Variants in ATXN7 observed in about 807,000 individuals in gnomAD.
ATXN7 encodes ataxin 7.
Under a neutral mutation model 70.5 loss-of-function variants are expected in ATXN7, and 12 were observed. The ratio of observed to expected loss-of-function variants is 0.17; its 90% CI spans 0.11 to 0.28. The LOEUF (loss-of-function observed/expected upper bound fraction) is 0.28. Among genes scored for constraint, ATXN7 ranks in the 10% least tolerant of loss-of-function variants. The pLI is 1.00. For missense variants in ATXN7, 1,256 were observed against 1,131.7 expected, an observed-to-expected ratio of 1.11 and a Z score of -1.58; for synonymous variants, 498 against 448.7, an observed-to-expected ratio of 1.11 and a Z score of -1.39.
chr3:63,945,288 T>C (rs115308594), intron 4 of ATXN7, among the ~76,000 whole-genome samples: 2 of 152,104 alleles, frequency 1.3e-5, no homozygotes, highest in Admixed American at 1.3e-4. Context: ...AGAGGAAGAG[T>C]AGACGTTTGA....
chr3:63,970,586 A>G (rs1039754121), intron 5 of ATXN7, among the ~76,000 whole-genome samples: 8 of 152,208 alleles, frequency 5.3e-5, no homozygotes, highest in Non-Finnish European at 1.0e-4. Context: ...TCCCCCAGAT[A>G]TTCAATAACT....
At chr3:63,910,845 T>C (rs1703988343) in intron 2 of ATXN7, among the ~76,000 whole-genome samples, 1 of 151,854 alleles carries the variant, frequency 6.6e-6, no homozygotes, top group Non-Finnish European at 1.5e-5. Flanking sequence ...TGTGTGTGTA[T>C]GTGTAAGTAT....
At chr3:63,942,047 G>C (rs1466677913) in intron 4 of ATXN7, among the ~76,000 whole-genome samples, 1 of 152,156 alleles carries the variant, frequency 6.6e-6, no homozygotes, top group Non-Finnish European at 1.5e-5. Context: ...GAGAGTCCTA[G>C]CATCTCAGGA....
intron 5 of ATXN7, among the ~76,000 whole-genome samples, chr3:63,955,561 G>C (rs567297564): frequency 5.2e-4 from 79 of 152,238 alleles, no homozygotes; most frequent in Non-Finnish European, 6.6e-4. Context: ...TATCTTTTGG[G>C]GACAGGGGTT....
chr3:63,900,039 A>C (rs771252149), intron 2 of ATXN7, among the ~76,000 whole-genome samples: 1 of 152,178 alleles, frequency 6.6e-6, no homozygotes, highest in Non-Finnish European at 1.5e-5. Flanking sequence ...AGCCATGATG[A>C]TGCTGCTGCA....
At chr3:63,905,398 ACGG>A (rs1387526567) in intron 2 of ATXN7, 1 of 98,948 alleles carries the variant, frequency 1.0e-5, no homozygotes, top group African/African-American at 5.7e-5. Flanking sequence ...TACAGTAAAG[ACGG>A]GGTTTCACCA....
At position 63,988,136 on chromosome 3, in the gene ATXN7, C is replaced by G. The variant is rs985434811; in HGVS notation, c.1173C>G (p.Asn391Lys). The change falls in exon 9 of 13, where the codon AAC becomes AAG. Residue 391 changes from asparagine to lysine, a missense_variant. Coordinates refer to ENST00000674280, the MANE Select transcript of ATXN7 (RefSeq NM_001377405.1). ...ATGTGTTATTAGCCGAGCACAAAAA[C>G]AAAACCAGGGAAAAGGAATTGATTC... ...RFDVLLAEHK[N>K]KTREKELIRH... The G allele has an allele frequency of 1.2e-6, 2 of 1,613,920 alleles. No individual in the cohort carries two copies. Among genetic ancestry groups the G allele is most frequent in the African/African-American group, 1.3e-5 (1 of 74,880 alleles).
intron 5 of ATXN7, among the ~76,000 whole-genome samples, chr3:63,954,699 GTTTTTTTTTTTGT>G (rs2075011684): frequency 8.0e-6 from 1 of 124,560 alleles, no homozygotes; most frequent in African/African-American, 3.1e-5. Flanking sequence ...AGGAAAAAGT[GTTTTTTTTTTTGT>G]TTTTTTTTTT....
chr3:63,992,348 T>G (rs375517039), intron 11 of ATXN7, among the ~76,000 whole-genome samples: 195 of 152,320 alleles, frequency 1.3e-3, no homozygotes, highest in African/African-American at 4.4e-3. Context: ...TGTCCCTGGC[T>G]AGACACAGAA....
intron 4 of ATXN7, among the ~76,000 whole-genome samples, chr3:63,943,899 G>A (rs977377675): frequency 5.3e-5 from 8 of 152,148 alleles, no homozygotes; most frequent in Admixed American, 4.6e-4. Flanking sequence ...GCCTTTGGGA[G>A]CTGCCTTCCT....
Position 64,003,168 on chromosome 3 carries a change from A to G in ATXN7, c.*3701A>G, listed in dbSNP as rs2075852819. ...CAGATAATTTAAATGAGCACTACAT[A>G]CTGTCAGTGTGAATGTAGGGCCTTG... On this transcript the variant is annotated 3_prime_UTR_variant, in exon 13 of 13. Coordinates refer to ENST00000674280, the MANE Select transcript of ATXN7 (RefSeq NM_001377405.1). 6.8e-6 allele frequency: 1 copy of G among 147,172 alleles called. No homozygotes were observed. The highest frequency in any genetic ancestry group is 1.5e-5 in the Non-Finnish European group (1 of 67,174). The allele number at this position is 147,172 out of a possible 1,614,324, so 9.1% of individuals were successfully genotyped here. A position where few individuals can be genotyped will look rare whatever the true frequency, so the allele number is the denominator to read the frequency against.
At position 63,917,006 on chromosome 3, in the gene ATXN7, G is replaced by C. The variant is rs192125579; in HGVS notation, c.394+3781G>C. ...ACGATCTGTGCTCACTGCAACTTCC[G>C]CTTCCTGGGTTCAAGCGATTCTCCT... On this transcript the variant is annotated intron_variant, in intron 4 of 12. Coordinates refer to ENST00000674280, the MANE Select transcript of ATXN7 (RefSeq NM_001377405.1). 2.6e-5 allele frequency among the ~76,000 whole-genome samples: 4 copies of C among 152,008 alleles called. No homozygotes were observed. In the South Asian group the frequency reaches 8.3e-4, roughly 31 times the overall value.
intron 1 of ATXN7, chr3:63,864,970 C>T (rs1205325250): frequency 6.6e-6 from 1 of 152,200 alleles, no homozygotes; most frequent in Non-Finnish European, 1.5e-5. Context: ...ATACGATTAG[C>T]ACCAGGATCG....
chr3:63,995,844 G>A lies in ATXN7; in HGVS notation c.2022G>A (p.Leu674=). ...SSPMSRKPQK[L]KSSKSLRPKE... ...CCATGTCCAGGAAACCTCAGAAATTGAAATCCAGCAAATCTTTGAGGCCCA... is the reference window on the plus strand; with the variant it reads ...CCATGTCCAGGAAACCTCAGAAATTAAAATCCAGCAAATCTTTGAGGCCCA... The change falls in exon 12 of 13, where the codon TTG becomes TTA. Residue 674 remains leucine, a synonymous_variant. Coordinates refer to ENST00000674280, the MANE Select transcript of ATXN7 (RefSeq NM_001377405.1). The A allele has an allele frequency of 6.2e-7, 1 of 1,614,194 alleles. No individual in the cohort carries two copies. Among genetic ancestry groups the A allele is most frequent in the South Asian group, 1.1e-5 (1 of 91,092 alleles).
Position 64,000,218 on chromosome 3 carries a change from ATTTTT to A in ATXN7, c.*758_*762del, listed in dbSNP as rs112759850. On this transcript the variant is annotated 3_prime_UTR_variant, in exon 13 of 13. Transcript: ENST00000674280. ...CATGATACAAAAGCAATTCTGTGTGATTTTTTTTTTTAAGAAGAAAGAAAATGCAA... is the reference window on the plus strand; with the variant it reads ...CATGATACAAAAGCAATTCTGTGTGATTTTTTAAGAAGAAAGAAAATGCAA... 1 of 126,878 alleles carries A rather than the reference ATTTTT, an allele frequency of 7.9e-6. No individual in the cohort carries two copies. Among genetic ancestry groups the A allele is most frequent in the Non-Finnish European group, 1.6e-5 (1 of 61,266 alleles). 7.9% of individuals were successfully genotyped at this position (126,878 alleles called of 1,614,324 possible).
At chr3:63,952,548 G>C (rs1265996060) in intron 5 of ATXN7, 65 bp downstream of exon 5, 10 of 1,193,912 alleles carry the variant, frequency 8.4e-6, no homozygotes, top group African/African-American at 6.1e-5. Flanking sequence ...ATTAAACTAA[G>C]GAACAGTGAT....
Position 63,912,808 on chromosome 3 carries a change from C to G in ATXN7, c.210C>G (p.Thr70=). 2 of 1,565,454 alleles carry G rather than the reference C, an allele frequency of 1.3e-6. No homozygotes were observed. Among genetic ancestry groups the G allele is most frequent in the Non-Finnish European group, 8.6e-7 (1 of 1,159,062 alleles). ...PEDGGPGAAS[T]SAAAMATVGE... ...ACGGCGGGCCCGGCGCCGCCTCCACCTCGGCCGCCGCAATGGCGACGGTCG... is the reference window on the plus strand; with the variant it reads ...ACGGCGGGCCCGGCGCCGCCTCCACGTCGGCCGCCGCAATGGCGACGGTCG... The change falls in exon 3 of 13, where the codon ACC becomes ACG. Residue 70 remains threonine, a synonymous_variant. Transcript: ENST00000674280.
At chr3:63,948,639 T>G (rs1001495392) in intron 4 of ATXN7, among the ~76,000 whole-genome samples, 2 of 152,192 alleles carry the variant, frequency 1.3e-5, no homozygotes, top group Non-Finnish European at 2.9e-5. Context: ...GTAAATACAT[T>G]CACCACAGTT....
At chr3:63,975,597 A>G (rs370835069) in intron 5 of ATXN7, among the ~76,000 whole-genome samples, 69 of 152,286 alleles carry the variant, frequency 4.5e-4, no homozygotes, top group African/African-American at 1.5e-3. Flanking sequence ...AGCAATATTT[A>G]TGATATAAAA....
Sources: allele counts gnomAD v4.1 joint callset (sites outside exome capture counted in the v4.1 genomes callset), GRCh38; gene constraint gnomAD v4.1.1; transcripts MANE v1.5; gene names NCBI Gene and HGNC (gene_info 2026-07-23, HGNC 2026-07-21).